The following MYO1F variants were observed in gnomAD, a reference collection of about 807,000 sequenced individuals.
MYO1F encodes the protein myosin IF.
MYO1F carries 60 observed loss-of-function variants against 146.6 expected under a neutral mutation model. The observed-to-expected ratio is 0.41, with a 90% CI of 0.33 to 0.51. The LOEUF is 0.51. Ranked by LOEUF, MYO1F falls within the 20% of genes least tolerant of loss-of-function variation. MYO1F has a pLI of 0.25. For missense variants in MYO1F, 1,274 were observed against 1,534.3 expected (o/e 0.83, Z 2.83); for synonymous variants, 602 against 602.1 (o/e 1.00, Z 0.00).
At chr19:8,560,516 C>A (rs1465613571) in intron 1 of MYO1F, among the ~76,000 whole-genome samples, 1 of 150,454 alleles carries the variant, frequency 6.6e-6, no homozygotes, top group Non-Finnish European at 1.5e-5. Context: ...AGAACAGGTT[C>A]TTGCCTCTGT....
chr19:8,555,090 G>T lies in MYO1F; in HGVS notation c.142-347C>A, dbSNP rs532846972. Among the ~76,000 whole-genome samples the T allele has an allele frequency of 5.9e-5, 9 of 151,500 alleles. No homozygotes were observed. In the East Asian group the frequency reaches 1.8e-3, roughly 30 times the overall value. ...ATCCCGGCTACTTGGGAGGCTGAGGGAGGAGAATCGCTTGAACCTGGGAGG... is the reference window on the plus strand; with the variant it reads ...ATCCCGGCTACTTGGGAGGCTGAGGTAGGAGAATCGCTTGAACCTGGGAGG... On this transcript the variant is annotated intron_variant, in intron 2 of 27. Transcript: ENST00000644032.
chr19:8,543,711 G>C lies in MYO1F; in HGVS notation c.1524+586C>G, dbSNP rs1326980096. Among the ~76,000 whole-genome samples, 26 of 20,622 alleles carry C rather than the reference G, an allele frequency of 1.3e-3. 1 individual carries two copies. Among genetic ancestry groups the C allele is most frequent in the African/African-American group, 4.3e-3 (22 of 5,122 alleles). The allele number at this position is 20,622 out of a possible 152,430, so 13.5% of individuals were successfully genotyped here. On this transcript the variant is annotated intron_variant, in intron 14 of 27. Coordinates refer to ENST00000644032, the MANE Select transcript of MYO1F (RefSeq NM_012335.4). ...GGTGGTGGTGGTGGTGGTGGTGCTG[G>C]TGGTGGTGGTGGTGCTGGTGGTGCT...
chr19:8,533,724 C>T (rs1159662277), intron 19 of MYO1F, among the ~76,000 whole-genome samples: 1 of 152,052 alleles, frequency 6.6e-6, no homozygotes, highest in African/African-American at 2.4e-5. Flanking sequence ...GACTTCTGAC[C>T]TGCGGAACTG....
intron 16 of MYO1F, among the ~76,000 whole-genome samples, chr19:8,538,130 T>TA (rs145644766): frequency 0.023 from 3,468 of 150,358 alleles, 141 homozygotes; most frequent in African/African-American, 0.08. Context: ...TCCTTTTTTT[T>TA]TATATATATA....
rs782195626 is a variant in MYO1F at position 8,574,579 on chromosome 19, C to CTTTCTT, written c.3+2727_3+2728insAAGAAA. 4.4e-3 allele frequency among the ~76,000 whole-genome samples: 389 copies of CTTTCTT among 88,434 alleles called. 2 individuals carry two copies. The highest frequency in any genetic ancestry group is 0.021 in the Middle Eastern group (4 of 192). 58.0% of individuals were successfully genotyped at this position (88,434 alleles called of 152,430 possible). On this transcript the variant is annotated intron_variant, in intron 1 of 27. Coordinates refer to ENST00000644032, the MANE Select transcript of MYO1F (RefSeq NM_012335.4). ...TCTTTCTTTCTTTCTTTCTTTCTTT[C>CTTTCTT]TCTCTCTCTCTCTCTCTCTTTCTTT...
At chr19:8,544,069 T>TGGTGCTGGTGCTGGTGCTGGTGGTG in intron 14 of MYO1F, 1 of 563,648 alleles carries the variant, frequency 1.8e-6, no homozygotes, top group Non-Finnish European at 3.2e-6. Flanking sequence ...GTGGTGGTGG[T>TGGTGCTGGTGCTGGTGCTGGTGGTG]GTCCAGACAA....
rs1488205038 is a variant in MYO1F, at chr19:8,541,896, G to T, written c.1610+10C>A. ...TGTAGCCGGAGGTCCCCATGCCTGG[G>T]ACCACTCACTGCTCACTGGTCTGCA... On this transcript the variant is annotated intron_variant, in intron 15 of 27. Coordinates refer to ENST00000644032, the MANE Select transcript of MYO1F (RefSeq NM_012335.4). 2 of 1,612,328 alleles carry T rather than the reference G, an allele frequency of 1.2e-6. No individual in the cohort carries two copies. Among genetic ancestry groups the T allele is most frequent in the Middle Eastern group, 1.6e-4 (1 of 6,062 alleles).
intron 4 of MYO1F, 120 bp from the exon 5 acceptor site, chr19:8,553,557 T>G: frequency 1.2e-6 from 1 of 802,514 alleles, no homozygotes; most frequent in Non-Finnish European, 2.1e-6. Flanking sequence ...CTGGGGATAC[T>G]GTAATGAACA....
At chr19:8,536,186 A>T in intron 19 of MYO1F, 66 bp downstream of exon 19, 1 of 1,481,828 alleles carries the variant, frequency 6.7e-7, no homozygotes, top group Non-Finnish European at 9.2e-7. Context: ...TCTCTCTCTC[A>T]GTCCCTCTCT....
At position 8,553,343 on chromosome 19, in the gene MYO1F, G is replaced by A. The variant is rs200488055; in HGVS notation, c.414+7C>T. ...CCCAGCTTATCCTTCTGTTTTCCTC[G>A]TCTCACCTGGACCTTCTCGCCTCCG... On this transcript the variant is annotated splice_region_variant and intron_variant, in intron 5 of 27. Transcript: ENST00000644032. 47 of 1,613,774 alleles carry A rather than the reference G, an allele frequency of 2.9e-5. No homozygotes were observed. The highest frequency in any genetic ancestry group is 6.7e-5 in the Admixed American group (4 of 59,958).
intron 8 of MYO1F, chr19:8,551,352 T>TC (rs376023161): frequency 0.034 from 2,832 of 83,916 alleles, 89 homozygotes; most frequent in African/African-American, 0.23. Context: ...GTGCCTGGCC[T>TC]TTTTTTTTTT....
At chr19:8,542,139 G>A in intron 14 of MYO1F, 148 bp from the exon 15 acceptor site, 1 of 689,462 alleles carries the variant, frequency 1.5e-6, no homozygotes, top group Non-Finnish European at 2.6e-6. Flanking sequence ...CGCTGGCTGG[G>A]GGGTATCTAC....
In MYO1F at chr19:8,570,372, A is replaced by ATT. The variant is rs374201524; in HGVS notation, c.3+6933_3+6934dup. 1.4e-3 allele frequency among the ~76,000 whole-genome samples: 195 copies of ATT among 143,656 alleles called. 1 individual carries two copies. The highest frequency in any genetic ancestry group is 4.5e-3 in the African/African-American group (177 of 39,124). 94.2% of individuals were successfully genotyped at this position (143,656 alleles called of 152,430 possible). On this transcript the variant is annotated intron_variant, in intron 1 of 27. Coordinates refer to ENST00000644032, the MANE Select transcript of MYO1F (RefSeq NM_012335.4). The stretch of plus-strand genomic sequence containing the variant: ...GGCGTGAGCCACTGCACCCAGCCAC[A>ATT]TTTTTTTTTTTATTTGAGATGGAGT...
intron 19 of MYO1F, among the ~76,000 whole-genome samples, chr19:8,535,589 C>T (rs2967594): frequency 0.11 from 16,445 of 151,960 alleles, 970 homozygotes; most frequent in East Asian, 0.16. Flanking sequence ...TTTTATTTTG[C>T]CTTTTTTCTG....
Position 8,522,273 on chromosome 19 carries a change from T to C in MYO1F, c.3220+104A>G, listed in dbSNP as rs569523990. ...TCCTGACCTCGTGATCTGCCCGCCT[T>C]GGCCTCCCAAAATGCTGGGATTACA... On this transcript the variant is annotated intron_variant, in intron 27 of 27. Transcript: ENST00000644032. 418 of 1,443,892 alleles carry C rather than the reference T, an allele frequency of 2.9e-4. 1 individual carries two copies. Among genetic ancestry groups the C allele is most frequent in the African/African-American group, 2.5e-3 (181 of 71,188 alleles). 89.4% of individuals were successfully genotyped at this position (1,443,892 alleles called of 1,614,324 possible).
At chr19:8,523,073 T>A (rs369644060) in intron 25 of MYO1F, among the ~76,000 whole-genome samples, 2 of 151,322 alleles carry the variant, frequency 1.3e-5, no homozygotes, top group African/African-American at 4.9e-5. Flanking sequence ...GCTCAGTCGC[T>A]CAGGCTGGAG....
At position 8,522,424 on chromosome 19, in the gene MYO1F, T is replaced by A; in HGVS notation, c.3173A>T (p.Asp1058Val). The change falls in exon 27 of 28, where the codon GAC becomes GTC. Residue 1058 changes from aspartate (D) to valine (V), a missense_variant. Asp to Val is a radical substitution (Grantham distance 152). This residue lies in a region of MYO1F where 374 missense variants were observed against 379.2 expected (regional missense o/e 0.99). Coordinates refer to ENST00000644032, the MANE Select transcript of MYO1F (RefSeq NM_012335.4). ...CTCGTTCACGTTGAAGCTCAGCTCG[T>A]CCACATCTTGGCCCACGTACTGGTA... ...ALYQYVGQDV[D>V]ELSFNVNEVI... 6.2e-7 allele frequency: 1 copy of A among 1,614,190 alleles called. No individual in the cohort carries two copies. Among genetic ancestry groups the A allele is most frequent in the Non-Finnish European group, 8.5e-7 (1 of 1,180,042 alleles).
chr19:8,563,332 C>G (rs1325816321), intron 1 of MYO1F, among the ~76,000 whole-genome samples: 8 of 139,242 alleles, frequency 5.7e-5, no homozygotes, highest in Non-Finnish European at 9.2e-5. Flanking sequence ...CAGTCTTGCT[C>G]TATCGCCCAG....
At chr19:8,570,226 C>A (rs929414821) in intron 1 of MYO1F, among the ~76,000 whole-genome samples, 1 of 152,078 alleles carries the variant, frequency 6.6e-6, no homozygotes, top group Non-Finnish European at 1.5e-5. Flanking sequence ...GCGTGCACAA[C>A]GCCTGGCTAA....
Sources: allele counts gnomAD v4.1 joint callset (sites outside exome capture counted in the v4.1 genomes callset), GRCh38; gene constraint gnomAD v4.1.1; regional missense constraint gnomAD v4.1.1; transcripts MANE v1.5; gene names NCBI Gene and HGNC (gene_info 2026-07-23, HGNC 2026-07-21).